FHIP1A: variants seen among roughly 807,000 people sequenced by gnomAD.
FHIP1A encodes FHF complex subunit HOOK-interacting protein 1A.
FHIP1A carries 61 observed loss-of-function variants against 88.6 expected under a neutral mutation model. The observed-to-expected ratio is 0.69, with a 90% CI of 0.56 to 0.85. FHIP1A has a LOEUF of 0.85. Among genes scored for constraint, FHIP1A ranks in the 40% least tolerant of loss-of-function variants. FHIP1A has a pLI of 0.00. For missense variants in FHIP1A, 1,154 were observed against 1,273.5 expected, an observed-to-expected ratio of 0.91 and a Z score of 1.43; for synonymous variants, 478 against 496.0, an observed-to-expected ratio of 0.96 and a Z score of 0.48.
At chr4:151,589,047 C>T in intron 7 of FHIP1A, 121 bp downstream of exon 7, 1 of 722,620 alleles carries the variant, frequency 1.4e-6, no homozygotes, top group Non-Finnish European at 2.4e-6. Context: ...TTCATTCCGT[C>T]TATATTTCTT....
chr4:151,526,942 C>T (rs1188554832), intron 3 of FHIP1A, among the ~76,000 whole-genome samples: 2 of 150,750 alleles, frequency 1.3e-5, no homozygotes, highest in African/African-American at 2.4e-5. Context: ...CGGGCAGAGA[C>T]GCTCCTCACT....
At chr4:151,630,422 A>G (rs1736112150) in intron 8 of FHIP1A, among the ~76,000 whole-genome samples, 1 of 152,222 alleles carries the variant, frequency 6.6e-6, no homozygotes, top group Admixed American at 6.5e-5. Flanking sequence ...ATGAGAATGT[A>G]TATATCATTC....
rs534096976 is a variant in FHIP1A at position 151,589,368 on chromosome 4, G to T, written c.978+442G>T. On this transcript the variant is annotated intron_variant, in intron 7 of 13. Transcript: ENST00000435205. ...CATAATTTTTTATTGTAACAATTTT[G>T]TGACAGCAAAAATTAAAGTGGAGCC... is the stretch of plus-strand genomic sequence containing the variant. Among the ~76,000 whole-genome samples the T allele has an allele frequency of 1.9e-3, 293 of 152,274 alleles. 1 individual carries two copies. The highest frequency in any genetic ancestry group is 6.8e-3 in the African/African-American group (281 of 41,564).
Position 151,650,222 on chromosome 4 carries a change from G to T in FHIP1A, c.2181G>T (p.Glu727Asp). Reference protein sequence around the residue: ...EPEAAPESNSELASPAPEAEH... With the variant: ...EPEAAPESNSDLASPAPEAEH... Reference sequence around the variant, plus strand: ...AAGCAGCCCCAGAATCCAACTCAGAGTTAGCATCCCCTGCCCCTGAGGCAG... The same window carrying T: ...AAGCAGCCCCAGAATCCAACTCAGATTTAGCATCCCCTGCCCCTGAGGCAG... Residue 727 changes from glutamate (E) to aspartate (D), a missense_variant, in exon 11 of 14, where the codon GAG becomes GAT. Transcript: ENST00000435205. The T allele has an allele frequency of 1.3e-6, 2 of 1,551,742 alleles. No individual in the cohort carries two copies. Among genetic ancestry groups the T allele is most frequent in the Non-Finnish European group, 1.7e-6 (2 of 1,147,004 alleles).
At chr4:151,578,187 A>G in intron 5 of FHIP1A, 111 bp downstream of exon 5, 5 of 961,340 alleles carry the variant, frequency 5.2e-6, no homozygotes, top group Non-Finnish European at 7.6e-6. Flanking sequence ...TGTACTTGGC[A>G]CTTCCTATGG....
intron 1 of FHIP1A, among the ~76,000 whole-genome samples, chr4:151,440,882 CACT>C (rs1728384062): frequency 1.3e-5 from 2 of 152,286 alleles, no homozygotes; most frequent in East Asian, 3.9e-4. Context: ...TTCCATCTCA[CACT>C]AGTGCCCCTT....
chr4:151,479,402 A>ATCAC (rs1472910582), intron 2 of FHIP1A, among the ~76,000 whole-genome samples: 1 of 152,096 alleles, frequency 6.6e-6, no homozygotes, highest in Non-Finnish European at 1.5e-5. Context: ...GAATCAGTGA[A>ATCAC]GTTTGTGGAC....
chr4:151,430,853 C>G (rs1733565885), intron 1 of FHIP1A, among the ~76,000 whole-genome samples: 1 of 152,142 alleles, frequency 6.6e-6, no homozygotes, highest in African/African-American at 2.4e-5. Flanking sequence ...TGGTAGGAAG[C>G]CTTAGTTTAC....
At chr4:151,495,870 G>T (rs750937694) in intron 3 of FHIP1A, among the ~76,000 whole-genome samples, 1 of 151,946 alleles carries the variant, frequency 6.6e-6, no homozygotes, top group Admixed American at 6.6e-5. Context: ...TGATCCTCCC[G>T]CATTGGCCAC....
intron 3 of FHIP1A, among the ~76,000 whole-genome samples, chr4:151,523,829 C>T (rs528213496): frequency 6.6e-6 from 1 of 152,262 alleles, no homozygotes; most frequent in South Asian, 2.1e-4. Context: ...TATTTGTGAA[C>T]AACCAACACA....
rs549481554 is a variant in FHIP1A at position 151,489,096 on chromosome 4, A to G, written c.-123+6448A>G. On this transcript the variant is annotated intron_variant, in intron 3 of 13. Transcript: ENST00000435205. Reference sequence around the variant, plus strand: ...GAAGCAGCTTACCGCTGCAAACTCTACGTGAGTTCCCAAGGTGTGAGAGGA... The same window carrying G: ...GAAGCAGCTTACCGCTGCAAACTCTGCGTGAGTTCCCAAGGTGTGAGAGGA... 2.0e-5 allele frequency among the ~76,000 whole-genome samples: 3 copies of G among 152,308 alleles called. No homozygotes were observed. In the East Asian group the frequency reaches 5.8e-4, roughly 29 times the overall value.
At chr4:151,448,125 G>A (rs568839202) in intron 1 of FHIP1A, among the ~76,000 whole-genome samples, 5 of 151,748 alleles carry the variant, frequency 3.3e-5, no homozygotes, top group African/African-American at 1.2e-4. Flanking sequence ...CACCATGTTG[G>A]CCAGGCTGCT....
chr4:151,602,073 A>G (rs747760539), intron 7 of FHIP1A, among the ~76,000 whole-genome samples: 1 of 152,064 alleles, frequency 6.6e-6, no homozygotes, highest in East Asian at 1.9e-4. Context: ...CCCATGATTC[A>G]TTTACCTCCC....
intron 11 of FHIP1A, among the ~76,000 whole-genome samples, chr4:151,655,775 AT>A (rs1385072668): frequency 6.6e-6 from 1 of 151,992 alleles, no homozygotes; most frequent in Admixed American, 6.6e-5. Context: ...TTTACAGAGA[AT>A]TTTTCATTAC....
In FHIP1A at chr4:151,577,598, TG is replaced by T. The variant is rs1384595875; in HGVS notation, c.258del (p.Pro87ArgfsTer20). The stretch of plus-strand genomic sequence containing the variant: ...GAAGAGCAAGCCAAAGATGCTGCAA[TG>T]GGGCCGATTCTGGAATTTGTGGTCT... ...LIEEQAKDAA[M>X]GPILEFVVSE... On this transcript the variant is annotated frameshift_variant, in exon 5 of 14. Coordinates refer to ENST00000435205, the MANE Select transcript of FHIP1A (RefSeq NM_001109977.3). LOFTEE classifies it high-confidence loss of function. 4 of 1,551,824 alleles carry T rather than the reference TG, an allele frequency of 2.6e-6. No individual in the cohort carries two copies. The highest frequency in any genetic ancestry group is 1.4e-5 in the African/African-American group (1 of 73,032).
chr4:151,591,812 T>C (rs1734441796), intron 7 of FHIP1A, among the ~76,000 whole-genome samples: 1 of 152,130 alleles, frequency 6.6e-6, no homozygotes. Context: ...TTCCATGGTG[T>C]ATTCCATGGT....
At chr4:151,597,775 G>A (rs775334231) in intron 7 of FHIP1A, among the ~76,000 whole-genome samples, 1 of 152,194 alleles carries the variant, frequency 6.6e-6, no homozygotes, top group South Asian at 2.1e-4. Flanking sequence ...CAGATTTGCT[G>A]AGCTGCGGAG....
intron 3 of FHIP1A, among the ~76,000 whole-genome samples, chr4:151,556,628 C>T (rs1732956852): frequency 6.6e-6 from 1 of 152,074 alleles, no homozygotes; most frequent in African/African-American, 2.4e-5. Context: ...CTGAAGAGAG[C>T]TCCAGTTTTG....
intron 3 of FHIP1A, among the ~76,000 whole-genome samples, chr4:151,557,069 C>G (rs1238668277): frequency 6.6e-6 from 1 of 152,116 alleles, no homozygotes; most frequent in Non-Finnish European, 1.5e-5. Context: ...CAATTTCACT[C>G]TAATAGTATT....
Sources: allele counts gnomAD v4.1 joint callset (sites outside exome capture counted in the v4.1 genomes callset), GRCh38; gene constraint gnomAD v4.1.1; transcripts MANE v1.5; gene names NCBI Gene and HGNC (gene_info 2026-07-23, HGNC 2026-07-21).